Variants in KALRN observed in about 807,000 individuals in gnomAD.
KALRN encodes the protein kalirin.
Under a neutral mutation model 353.7 loss-of-function variants are expected in KALRN, and 70 were observed. The ratio of observed to expected loss-of-function variants is 0.20; its 90% CI spans 0.16 to 0.24. The LOEUF (loss-of-function observed/expected upper bound fraction) is 0.24, where lower values mean the gene tolerates loss of function less well. Ranked by LOEUF, KALRN falls within the 10% of genes least tolerant of loss-of-function variation. KALRN has a pLI of 1.00. For missense variants in KALRN, 2,791 were observed against 3,756.7 expected (o/e 0.74, Z 6.72); for synonymous variants, 1,391 against 1,434.8 (o/e 0.97, Z 0.69).
chr3:124,467,268 G>A (rs541125399), intron 25 of KALRN, among the ~76,000 whole-genome samples: 56 of 152,342 alleles, frequency 3.7e-4, no homozygotes, highest in Middle Eastern at 3.4e-3. Flanking sequence ...CCCAATGAGC[G>A]ACTGAACCAC....
intron 10 of KALRN, among the ~76,000 whole-genome samples, chr3:124,370,880 C>T (rs551862234): frequency 3.2e-4 from 49 of 152,252 alleles, no homozygotes; most frequent in Middle Eastern, 3.4e-3. Context: ...TAGGCATGAA[C>T]GAGATTAATT....
At chr3:124,392,602 TC>T (rs1267184816) in intron 11 of KALRN, among the ~76,000 whole-genome samples, 3 of 134,038 alleles carry the variant, frequency 2.2e-5, no homozygotes, top group African/African-American at 8.4e-5. Context: ...TATTTTCTTT[TC>T]TTTCTTTCTT....
intron 10 of KALRN, among the ~76,000 whole-genome samples, chr3:124,377,524 G>A (rs1269098136): frequency 6.6e-6 from 1 of 151,828 alleles, no homozygotes; most frequent in Non-Finnish European, 1.5e-5. Context: ...GCGTTCAGCT[G>A]TTGGGGTGGG....
chr3:124,601,716 T>G (rs1578258477), intron 34 of KALRN, among the ~76,000 whole-genome samples: 1 of 25,164 alleles, frequency 4.0e-5, no homozygotes, highest in Non-Finnish European at 8.0e-5. Context: ...GTGGTAAATA[T>G]TCTGCCTTTT....
chr3:124,196,311 A>G (rs1394890313), intron 1 of KALRN, among the ~76,000 whole-genome samples: 2 of 152,188 alleles, frequency 1.3e-5, no homozygotes, highest in African/African-American at 4.8e-5. Flanking sequence ...TGCTCTTCCC[A>G]TGAGAAGTCT....
chr3:124,169,605 G>C (rs1314725230), intron 1 of KALRN, among the ~76,000 whole-genome samples: 11 of 152,124 alleles, frequency 7.2e-5, no homozygotes. Context: ...TGTCTCCCTG[G>C]CGCCTCATGT....
chr3:124,246,021 C>T (rs531126019), intron 3 of KALRN, among the ~76,000 whole-genome samples: 41 of 152,310 alleles, frequency 2.7e-4, no homozygotes, highest in African/African-American at 9.6e-4. Flanking sequence ...CATCCATGGT[C>T]ATGCAAATGA....
At chr3:124,057,660 G>T (rs1012815617) in intron 1 of KALRN, among the ~76,000 whole-genome samples, 1 of 152,100 alleles carries the variant, frequency 6.6e-6, no homozygotes, top group Non-Finnish European at 1.5e-5. Context: ...CTGGGTGGTG[G>T]AGCCCAGTGA....
intron 10 of KALRN, among the ~76,000 whole-genome samples, chr3:124,383,910 C>G (rs1026772560): frequency 2.6e-5 from 4 of 152,140 alleles, no homozygotes; most frequent in Non-Finnish European, 4.4e-5. Flanking sequence ...ACTGACTGCT[C>G]TGCTTGTTCG....
chr3:124,218,060 G>A (rs1178468063), intron 1 of KALRN, among the ~76,000 whole-genome samples: 2 of 152,122 alleles, frequency 1.3e-5, no homozygotes, highest in Non-Finnish European at 2.9e-5. Flanking sequence ...TGCCTGTGAG[G>A]GTCCTCTGCC....
chr3:124,324,982 A>G (rs949691912), intron 6 of KALRN, among the ~76,000 whole-genome samples: 3 of 152,236 alleles, frequency 2.0e-5, no homozygotes, highest in Non-Finnish European at 4.4e-5. Flanking sequence ...TGTGGATGCC[A>G]CAACCTTACC....
chr3:124,655,686 G>A lies in KALRN; in HGVS notation c.5862+19G>A. On this transcript the variant is annotated intron_variant, in intron 39 of 59. Coordinates refer to ENST00000682506, the MANE Select transcript of KALRN (RefSeq NM_001388419.1). ...GGTGGAGGTAAGTAGAGGGTTCCAG[G>A]TGGGTCTGTGGTCACCCAACCAGGA... 2 of 1,605,612 alleles carry A rather than the reference G, an allele frequency of 1.2e-6. No individual in the cohort carries two copies. Among genetic ancestry groups the A allele is most frequent in the Non-Finnish European group, 1.7e-6 (2 of 1,172,192 alleles).
chr3:124,648,744 A>T (rs544881900), intron 37 of KALRN, among the ~76,000 whole-genome samples: 1 of 152,230 alleles, frequency 6.6e-6, no homozygotes, highest in Admixed American at 6.5e-5. Context: ...GCATGTAATC[A>T]GATCAATCAC....
intron 33 of KALRN, among the ~76,000 whole-genome samples, chr3:124,547,563 C>T (rs1167306116): frequency 6.6e-6 from 1 of 152,124 alleles, no homozygotes; most frequent in Non-Finnish European, 1.5e-5. Context: ...GCCTGGGCCT[C>T]CCAAAGTGCT....
chr3:124,439,198 T>TCACACACACACACACA (rs1220555173), intron 18 of KALRN, among the ~76,000 whole-genome samples, 161 bp downstream of exon 18: 163 of 125,500 alleles, frequency 1.3e-3, no homozygotes, highest in African/African-American at 5.1e-3. Context: ...TCTCTCTCTC[T>TCACACACACACACACA]CTCACACACA....
intron 1 of KALRN, among the ~76,000 whole-genome samples, chr3:124,107,832 G>C (rs192296042): frequency 1.3e-5 from 2 of 152,166 alleles, no homozygotes; most frequent in East Asian, 1.9e-4. Context: ...TACATTACAG[G>C]CTGGAAAATC....
intron 33 of KALRN, among the ~76,000 whole-genome samples, chr3:124,562,078 A>T (rs1178277712): frequency 6.6e-6 from 1 of 152,196 alleles, no homozygotes; most frequent in African/African-American, 2.4e-5. Flanking sequence ...AGCATGGAGC[A>T]TGAGGGCTGG....
intron 5 of KALRN, among the ~76,000 whole-genome samples, chr3:124,293,095 G>T (rs1441126256): frequency 6.6e-6 from 1 of 152,216 alleles, no homozygotes; most frequent in Non-Finnish European, 1.5e-5. Flanking sequence ...CCGCAAGGAG[G>T]TTGTTAGTTC....
chr3:124,173,975 A>T (rs1194116682), intron 1 of KALRN, among the ~76,000 whole-genome samples: 1 of 152,194 alleles, frequency 6.6e-6, no homozygotes, highest in East Asian at 1.9e-4. Flanking sequence ...AGAAATCCCC[A>T]TCAGGATAGA....
Sources: allele counts gnomAD v4.1 joint callset (sites outside exome capture counted in the v4.1 genomes callset), GRCh38; gene constraint gnomAD v4.1.1; transcripts MANE v1.5; gene names NCBI Gene and HGNC (gene_info 2026-07-23, HGNC 2026-07-21).